The following TADA1 variants were observed in gnomAD, a reference collection of about 807,000 sequenced individuals.
TADA1 encodes transcriptional adaptor 1, also known as transcriptional adapter 1.
Under a neutral mutation model 39.3 loss-of-function variants are expected in TADA1, and 23 were observed. That is an observed-to-expected ratio of 0.58 (90% confidence interval 0.42 to 0.83). The LOEUF (loss-of-function observed/expected upper bound fraction) is 0.83, where lower values mean the gene tolerates loss of function less well. TADA1 is among the 40% of genes least tolerant of loss of function. The pLI is 0.00. For synonymous variants in TADA1, 137 were observed against 151.8 expected, an observed-to-expected ratio of 0.90 and a Z score of 0.72; for missense variants, 352 against 408.1, an observed-to-expected ratio of 0.86 and a Z score of 1.18.
chr1:166,862,127 G>C, intron 5 of TADA1, 76 bp downstream of exon 5: 1 of 1,368,554 alleles, frequency 7.3e-7, no homozygotes, highest in Non-Finnish European at 1.0e-6. Context: ...TTCTTTTCTT[G>C]CAATACCGAC....
At chr1:166,860,022 TC>T (rs1232220744) in intron 6 of TADA1, among the ~76,000 whole-genome samples, 163 bp downstream of exon 6, 45 of 152,190 alleles carry the variant, frequency 3.0e-4, no homozygotes, top group African/African-American at 9.6e-4. Context: ...CCAAAATAAT[TC>T]ACTAGATCTC....
intron 2 of TADA1, 103 bp from the exon 3 acceptor site, chr1:166,869,613 G>A: frequency 2.1e-6 from 3 of 1,401,454 alleles, no homozygotes; most frequent in Non-Finnish European, 3.0e-6. Flanking sequence ...CCCCTATTCT[G>A]CCATGCTTTA....
intron 7 of TADA1, 40 bp from the exon 8 acceptor site, chr1:166,857,759 G>A (rs769041531): frequency 3.8e-6 from 6 of 1,594,030 alleles, no homozygotes; most frequent in Non-Finnish European, 5.1e-6. Flanking sequence ...TTATACTTGA[G>A]TAGACTTATT....
At chr1:166,863,773 A>C (rs768151901) in intron 4 of TADA1, 51 bp downstream of exon 4, 9 of 1,512,688 alleles carry the variant, frequency 5.9e-6, no homozygotes, top group Non-Finnish European at 8.3e-6. Context: ...TAGTCCCAAC[A>C]TGCCACTACT....
chr1:166,866,866 T>C (rs1658547707), intron 3 of TADA1, among the ~76,000 whole-genome samples: 1 of 152,004 alleles, frequency 6.6e-6, no homozygotes, highest in Admixed American at 6.6e-5. Flanking sequence ...TGCCTCAGCC[T>C]CCCTAGTACC....
chr1:166,858,371 T>C (rs1177825149), intron 6 of TADA1, 90 bp from the exon 7 acceptor site: 9 of 997,960 alleles, frequency 9.0e-6, no homozygotes, highest in Admixed American at 3.3e-5. Context: ...ATTTAAAAAA[T>C]CTTTAATTGA....
At chr1:166,867,906 TA>T (rs1325643539) in intron 3 of TADA1, among the ~76,000 whole-genome samples, 1 of 152,066 alleles carries the variant, frequency 6.6e-6, no homozygotes, top group African/African-American at 2.4e-5. Flanking sequence ...ACAGTAGAAG[TA>T]AACAGAGAGA....
chr1:166,860,361 T>C (rs772936276), intron 5 of TADA1, 24 bp from the exon 6 acceptor site: 4 of 1,574,570 alleles, frequency 2.5e-6, no homozygotes, highest in Admixed American at 1.9e-5. Flanking sequence ...AAAAGAAAAA[T>C]AGCATGATAT....
intron 1 of TADA1, among the ~76,000 whole-genome samples, chr1:166,872,287 G>A (rs534161457): frequency 1.3e-5 from 2 of 152,186 alleles, no homozygotes; most frequent in Non-Finnish European, 2.9e-5. Context: ...GTGAGAGCTC[G>A]CTCACTCTGT....
intron 5 of TADA1, among the ~76,000 whole-genome samples, chr1:166,861,375 T>C (rs577917715): frequency 2.6e-5 from 4 of 152,236 alleles, no homozygotes; most frequent in Admixed American, 1.3e-4. Flanking sequence ...GTTATTATTT[T>C]TGAAGTACAG....
intron 1 of TADA1, among the ~76,000 whole-genome samples, chr1:166,875,927 A>C (rs1658758266): frequency 6.6e-6 from 1 of 151,880 alleles, no homozygotes; most frequent in African/African-American, 2.4e-5. Context: ...GACAGTCCCG[A>C]GCAACGGCGC....
intron 1 of TADA1, among the ~76,000 whole-genome samples, chr1:166,872,873 C>G (rs1658686658): frequency 6.6e-6 from 1 of 152,136 alleles, no homozygotes; most frequent in Non-Finnish European, 1.5e-5. Context: ...GGACAAATAC[C>G]AAAAACAAAG....
chr1:166,875,417 C>G (rs1353385183), intron 1 of TADA1, among the ~76,000 whole-genome samples: 1 of 152,162 alleles, frequency 6.6e-6, no homozygotes, highest in East Asian at 1.9e-4. Flanking sequence ...TACAGCCCCT[C>G]TAATGCATCA....
Position 166,869,476 on chromosome 1 carries a change from G to C in TADA1, c.201C>G (p.Leu67=). 6.2e-7 allele frequency: 1 copy of C among 1,613,760 alleles called. No individual in the cohort carries two copies. The highest frequency in any genetic ancestry group is 8.5e-7 in the Non-Finnish European group (1 of 1,179,788). Reference sequence around the variant, plus strand: ...TAGAAACCAAAATCTGACAACGCGTGAGAATGGCCAGGAGGAAATCATTGT... The same window carrying C: ...TAGAAACCAAAATCTGACAACGCGTCAGAATGGCCAGGAGGAAATCATTGT... ...HSHNDFLLAI[L]TRCQILVSTP... The change falls in exon 3 of 8, where the codon CTC becomes CTG. Residue 67 remains leucine (L), a synonymous_variant. Coordinates refer to ENST00000367874, the MANE Select transcript of TADA1 (RefSeq NM_053053.4).
At chr1:166,860,158 A>G (rs1308579011) in intron 6 of TADA1, 28 bp downstream of exon 6, 1 of 1,575,914 alleles carries the variant, frequency 6.3e-7, no homozygotes, top group Non-Finnish European at 8.6e-7. Context: ...CAAAAGATGG[A>G]AAGAAAATCA....
At chr1:166,871,827 AC>A (rs747333032) in intron 1 of TADA1, among the ~76,000 whole-genome samples, 7 of 152,150 alleles carry the variant, frequency 4.6e-5, no homozygotes, top group Non-Finnish European at 1.0e-4. Context: ...ATTCTATCCA[AC>A]AACAACAAAA....
intron 1 of TADA1, 83 bp from the exon 2 acceptor site, chr1:166,869,937 G>A (rs4657609): frequency 0.2 from 241,900 of 1,202,464 alleles, 28,223 homozygotes; most frequent in East Asian, 0.53. Flanking sequence ...TTAAAGAGAC[G>A]GGGTTTTTTA....
intron 1 of TADA1, among the ~76,000 whole-genome samples, chr1:166,872,082 C>T (rs1658673079): frequency 6.6e-6 from 1 of 152,240 alleles, no homozygotes; most frequent in Admixed American, 6.5e-5. Flanking sequence ...ATCCTGGTCC[C>T]TCTGTTAACT....
In TADA1 at chr1:166,857,578, AAAGCCCCTCCT is replaced by A. The variant is rs1435611976; in HGVS notation, c.986_996del (p.Lys329IlefsTer6). ...CCTCAAATCCTAATTTAGCACAGCA[AAAGCCCCTCCT>A]TGGCTGCCAAGCGCTGGCGGTGAAC... is the stretch of plus-strand genomic sequence containing the variant. On this transcript the variant is annotated frameshift_variant, in exon 8 of 8. Transcript: ENST00000367874. LOFTEE classifies it high-confidence loss of function. 1 of 1,614,078 alleles carries A rather than the reference AAAGCCCCTCCT, an allele frequency of 6.2e-7. No homozygotes were observed. The highest frequency in any genetic ancestry group is 2.2e-5 in the East Asian group (1 of 44,882).
Sources: gnomAD v4.1 joint callset for allele counts (sites outside exome capture counted in the v4.1 genomes callset) on GRCh38, gnomAD v4.1.1 for gene constraint, MANE v1.5 for transcripts, NCBI Gene and HGNC (gene_info 2026-07-23, HGNC 2026-07-21) for gene names.